The following ATG4C variants were observed in gnomAD, a reference collection of about 807,000 sequenced individuals.
ATG4C encodes cysteine protease ATG4C.
Under a neutral mutation model 57.6 loss-of-function variants are expected in ATG4C, and 56 were observed. The observed-to-expected ratio is 0.97, with a 90% CI of 0.78 to 1.21. The LOEUF (loss-of-function observed/expected upper bound fraction) is 1.21. Among genes scored for constraint, ATG4C ranks in the 50% most tolerant of loss-of-function variants. The probability of loss-of-function intolerance (pLI) is 0.00; values close to 1 mark genes in which losing one functional copy is unlikely to be tolerated. For missense variants in ATG4C, 595 were observed against 529.8 expected, an observed-to-expected ratio of 1.12 and a Z score of -1.21; for synonymous variants, 157 against 174.1, an observed-to-expected ratio of 0.90 and a Z score of 0.78.
chr1:62,840,711 A>G (rs915001455), intron 9 of ATG4C, among the ~76,000 whole-genome samples: 1 of 152,182 alleles, frequency 6.6e-6, no homozygotes, highest in Admixed American at 6.5e-5. Context: ...AAGACAGTAG[A>G]GAAACTAGGG....
chr1:62,792,287 G>T (rs1269541734), intron 1 of ATG4C, among the ~76,000 whole-genome samples: 1 of 152,162 alleles, frequency 6.6e-6, no homozygotes, highest in South Asian at 2.1e-4. Flanking sequence ...GAGCCACCAC[G>T]CCCGGCCTTA....
At chr1:62,827,662 T>A (rs1033423910) in intron 6 of ATG4C, among the ~76,000 whole-genome samples, 22 of 152,308 alleles carry the variant, frequency 1.4e-4, no homozygotes, top group South Asian at 8.3e-4. Context: ...GTATTTTTTT[T>A]AAACTTTTAT....
chr1:62,790,069 C>G (rs1365875649), intron 1 of ATG4C, among the ~76,000 whole-genome samples: 1 of 152,048 alleles, frequency 6.6e-6, no homozygotes, highest in South Asian at 2.1e-4. Flanking sequence ...TATGTGCCAC[C>G]ACACCCAGCT....
At chr1:62,803,643 T>C (rs1323059520) in intron 1 of ATG4C, 76 bp from the exon 2 acceptor site, 1 of 435,366 alleles carries the variant, frequency 2.3e-6, no homozygotes, top group African/African-American at 2.1e-5. Context: ...TTTAATCACT[T>C]AAGTAACTTT....
chr1:62,823,599 C>T lies in ATG4C; in HGVS notation c.796+2390C>T, dbSNP rs1235962438. On this transcript the variant is annotated intron_variant, in intron 6 of 10. Transcript: ENST00000317868. ...CCTTTATCTACAAACCAATGACTGC[C>T]CATTAACTCCTAGTCTCATGTTATC... Among the ~76,000 whole-genome samples the T allele has an allele frequency of 2.0e-5, 3 of 152,170 alleles. No homozygotes were observed. The East Asian group carries it at 5.8e-4, about 29-fold the overall frequency.
chr1:62,814,710 A>G (rs1219155319), intron 3 of ATG4C, among the ~76,000 whole-genome samples: 1 of 152,130 alleles, frequency 6.6e-6, no homozygotes, highest in Non-Finnish European at 1.5e-5. Flanking sequence ...TGTTTCTTAT[A>G]GGAAGTACTA....
chr1:62,818,657 T>G (rs1665364515), intron 4 of ATG4C, among the ~76,000 whole-genome samples: 1 of 152,144 alleles, frequency 6.6e-6, no homozygotes, highest in South Asian at 2.1e-4. Flanking sequence ...TACCTTTGTT[T>G]TTTAAGCAGT....
chr1:62,828,792 A>G (rs1665749176), intron 6 of ATG4C, among the ~76,000 whole-genome samples: 3 of 151,994 alleles, frequency 2.0e-5, no homozygotes, highest in Admixed American at 2.0e-4. Context: ...TGAGTTTTAC[A>G]TTTAAGTCTT....
At chr1:62,827,232 C>T (rs1287707078) in intron 6 of ATG4C, among the ~76,000 whole-genome samples, 1 of 152,198 alleles carries the variant, frequency 6.6e-6, no homozygotes, top group Non-Finnish European at 1.5e-5. Context: ...CTTCTAATCC[C>T]ATTTTTGCTA....
At chr1:62,856,688 G>T (rs141092772) in intron 10 of ATG4C, among the ~76,000 whole-genome samples, 14 of 152,278 alleles carry the variant, frequency 9.2e-5, no homozygotes, top group African/African-American at 3.1e-4. Flanking sequence ...TAGGACTTTG[G>T]AGAAGGGAAT....
chr1:62,793,673 A>C (rs886692383), intron 1 of ATG4C, among the ~76,000 whole-genome samples: 3 of 152,022 alleles, frequency 2.0e-5, no homozygotes, highest in African/African-American at 7.2e-5. Context: ...AAAAACAAAA[A>C]AAGTATTAGT....
At chr1:62,785,677 A>G (rs1664058882) in intron 1 of ATG4C, among the ~76,000 whole-genome samples, 1 of 152,160 alleles carries the variant, frequency 6.6e-6, no homozygotes, top group Non-Finnish European at 1.5e-5. Flanking sequence ...TTATTGCACT[A>G]AAGAGGTTCT....
At chr1:62,830,984 A>G (rs1476054475) in intron 7 of ATG4C, among the ~76,000 whole-genome samples, 1 of 152,178 alleles carries the variant, frequency 6.6e-6, no homozygotes, top group Admixed American at 6.5e-5. Context: ...TGATATATCC[A>G]AATTCAGATA....
intron 3 of ATG4C, among the ~76,000 whole-genome samples, chr1:62,816,111 A>G (rs1665262654): frequency 6.6e-6 from 1 of 152,032 alleles, no homozygotes; most frequent in Admixed American, 6.6e-5. Context: ...GTATCTGAAA[A>G]CGTCTTTATT....
At chr1:62,792,094 T>TA (rs1664294568) in intron 1 of ATG4C, among the ~76,000 whole-genome samples, 1 of 151,490 alleles carries the variant, frequency 6.6e-6, no homozygotes, top group Non-Finnish European at 1.5e-5. Flanking sequence ...GCCTCCGGGG[T>TA]TCAAGCAGTT....
intron 10 of ATG4C, among the ~76,000 whole-genome samples, chr1:62,856,563 G>A (rs1374782970): frequency 6.6e-6 from 1 of 152,200 alleles, no homozygotes; most frequent in African/African-American, 2.4e-5. Flanking sequence ...AATGAGACAG[G>A]TATAGTAATT....
chr1:62,823,156 A>G (rs1286445897), intron 6 of ATG4C, among the ~76,000 whole-genome samples: 2 of 152,214 alleles, frequency 1.3e-5, no homozygotes, highest in African/African-American at 4.8e-5. Flanking sequence ...CTCTGTCTCA[A>G]AAAACATTTC....
intron 1 of ATG4C, among the ~76,000 whole-genome samples, chr1:62,797,855 T>C (rs1572097964): frequency 6.6e-6 from 1 of 152,228 alleles, no homozygotes; most frequent in Non-Finnish European, 1.5e-5. Flanking sequence ...AATCTTGCTC[T>C]GTTGTCCAGG....
chr1:62,858,519 T>A (rs1209370387), intron 10 of ATG4C, among the ~76,000 whole-genome samples: 1 of 151,552 alleles, frequency 6.6e-6, no homozygotes, highest in African/African-American at 2.4e-5. Flanking sequence ...ATAGAAGGAG[T>A]GAATGTAGAC....
Sources: allele counts gnomAD v4.1 joint callset (sites outside exome capture counted in the v4.1 genomes callset), GRCh38; gene constraint gnomAD v4.1.1; transcripts MANE v1.5; gene names NCBI Gene and HGNC (gene_info 2026-07-23, HGNC 2026-07-21).